Variants in AUTS2 observed in about 807,000 individuals in gnomAD.
AUTS2 encodes the protein autism susceptibility gene 2 protein.
In AUTS2, 17 loss-of-function variants were observed where a neutral mutation model predicts 112.4. The observed-to-expected ratio is 0.15, with a 90% CI of 0.10 to 0.23. The LOEUF (loss-of-function observed/expected upper bound fraction) is 0.23, where lower values mean the gene tolerates loss of function less well. Ranked by LOEUF, AUTS2 falls within the 10% of genes least tolerant of loss-of-function variation. AUTS2 has a pLI of 1.00. For synonymous variants in AUTS2, 751 were observed against 702.7 expected (o/e 1.07, Z -1.09); for missense variants, 1,510 against 1,701.6 (o/e 0.89, Z 1.98).
At chr7:70,588,373 G>A (rs1585339688) in intron 5 of AUTS2, among the ~76,000 whole-genome samples, 1 of 152,178 alleles carries the variant, frequency 6.6e-6, no homozygotes, top group East Asian at 1.9e-4. Flanking sequence ...TAATTCATCT[G>A]TTAAATCAAG....
At chr7:69,748,649 A>C (rs951675578) in intron 1 of AUTS2, among the ~76,000 whole-genome samples, 2 of 152,196 alleles carry the variant, frequency 1.3e-5, no homozygotes, top group Non-Finnish European at 2.9e-5. Context: ...GGGAAGAGAC[A>C]CAATAGCTAT....
intron 5 of AUTS2, among the ~76,000 whole-genome samples, chr7:70,651,408 C>T (rs1806499854): frequency 6.6e-6 from 1 of 152,200 alleles, no homozygotes; most frequent in Non-Finnish European, 1.5e-5. Flanking sequence ...ATTGGGGTTA[C>T]ATCCCGATAA....
intron 5 of AUTS2, among the ~76,000 whole-genome samples, chr7:70,488,767 C>T (rs550345127): frequency 1.4e-4 from 21 of 152,210 alleles, no homozygotes; most frequent in African/African-American, 5.1e-4. Context: ...TAAGGGAAGA[C>T]GCGTATCCCT....
intron 5 of AUTS2, among the ~76,000 whole-genome samples, chr7:70,622,744 A>G (rs1804746474): frequency 6.6e-6 from 1 of 152,204 alleles, no homozygotes; most frequent in Admixed American, 6.5e-5. Flanking sequence ...TTAGGGAAAA[A>G]TGGATCCAGA....
chr7:69,961,765 A>ACC (rs2129547030), intron 2 of AUTS2, among the ~76,000 whole-genome samples: 1 of 152,290 alleles, frequency 6.6e-6, no homozygotes, highest in African/African-American at 2.4e-5. Context: ...AAGGCTATGT[A>ACC]ACTCTTCCTC....
intron 2 of AUTS2, among the ~76,000 whole-genome samples, chr7:69,983,888 C>G (rs1172271755): frequency 6.6e-6 from 1 of 151,936 alleles, no homozygotes; most frequent in East Asian, 1.9e-4. Flanking sequence ...AGTTATAAAC[C>G]CTTATAAACC....
At chr7:70,519,849 G>A (rs1347409039) in intron 5 of AUTS2, among the ~76,000 whole-genome samples, 1 of 152,020 alleles carries the variant, frequency 6.6e-6, no homozygotes, top group Non-Finnish European at 1.5e-5. Flanking sequence ...CCATGAGGAG[G>A]GGCAAAGGAA....
intron 1 of AUTS2, among the ~76,000 whole-genome samples, chr7:69,675,505 GTTT>G (rs751222506): frequency 8.8e-6 from 1 of 114,218 alleles, no homozygotes; most frequent in Non-Finnish European, 1.8e-5. Flanking sequence ...TTGGCTGAGG[GTTT>G]TTTTTTTTTT....
At chr7:70,034,727 T>C (rs1317645721) in intron 2 of AUTS2, among the ~76,000 whole-genome samples, 1 of 152,196 alleles carries the variant, frequency 6.6e-6, no homozygotes. Context: ...CAAAGATGGA[T>C]GGATTAGCTT....
intron 5 of AUTS2, among the ~76,000 whole-genome samples, chr7:70,692,292 T>C (rs1808795529): frequency 6.6e-6 from 1 of 152,238 alleles, no homozygotes; most frequent in South Asian, 2.1e-4. Flanking sequence ...CAGTTTACCC[T>C]GTAGGGGATG....
chr7:70,028,072 C>T (rs28630917), intron 2 of AUTS2, among the ~76,000 whole-genome samples: 1 of 151,856 alleles, frequency 6.6e-6, no homozygotes, highest in African/African-American at 2.4e-5. Flanking sequence ...CCGCCCCCCC[C>T]ACCCTCATCT....
At chr7:70,496,497 C>T (rs1199002892) in intron 5 of AUTS2, among the ~76,000 whole-genome samples, 7 of 124,004 alleles carry the variant, frequency 5.6e-5, no homozygotes, top group East Asian at 2.7e-4. Flanking sequence ...CACATGCACA[C>T]GTCACATCAG....
intron 1 of AUTS2, among the ~76,000 whole-genome samples, chr7:69,887,290 C>G: frequency 6.6e-6 from 1 of 151,848 alleles, no homozygotes; most frequent in Admixed American, 6.6e-5. Flanking sequence ...GTGATGTATG[C>G]CTGTAATCCC....
chr7:69,772,469 CT>C, intron 1 of AUTS2, among the ~76,000 whole-genome samples: 1 of 152,298 alleles, frequency 6.6e-6, no homozygotes, highest in East Asian at 1.9e-4. Flanking sequence ...GAGATAGGGT[CT>C]CGCTGTATTG....
chr7:69,756,578 T>G (rs1396960852), intron 1 of AUTS2, among the ~76,000 whole-genome samples: 1 of 130,602 alleles, frequency 7.7e-6, no homozygotes, highest in Non-Finnish European at 1.6e-5. Context: ...GTTCTTACCT[T>G]TCTTTATTGT....
At chr7:70,653,147 C>A (rs1406944411) in intron 5 of AUTS2, among the ~76,000 whole-genome samples, 6 of 152,136 alleles carry the variant, frequency 3.9e-5, no homozygotes. Context: ...CCTACCTACT[C>A]AGGAGGCTGA....
At chr7:69,755,231 A>T (rs534064262) in intron 1 of AUTS2, among the ~76,000 whole-genome samples, 1 of 152,208 alleles carries the variant, frequency 6.6e-6, no homozygotes, top group Non-Finnish European at 1.5e-5. Flanking sequence ...TTCTAGTTCT[A>T]TAGACTAGGG....
intron 5 of AUTS2, among the ~76,000 whole-genome samples, chr7:70,481,626 A>G (rs1797790165): frequency 6.6e-6 from 1 of 152,156 alleles, no homozygotes; most frequent in Non-Finnish European, 1.5e-5. Context: ...TTAATAAAGC[A>G]CTGTCAGTAG....
chr7:70,175,072 A>G (rs1442374102), intron 4 of AUTS2, among the ~76,000 whole-genome samples: 4 of 152,224 alleles, frequency 2.6e-5, no homozygotes, highest in Non-Finnish European at 5.9e-5. Flanking sequence ...TCCCCATTCT[A>G]GATGCCATTA....
Sources: gnomAD v4.1 joint callset for allele counts (sites outside exome capture counted in the v4.1 genomes callset) on GRCh38, gnomAD v4.1.1 for gene constraint, MANE v1.5 for transcripts, NCBI Gene and HGNC (gene_info 2026-07-23, HGNC 2026-07-21) for gene names.